CLASP1: variants seen among roughly 807,000 people sequenced by gnomAD.
CLASP1 encodes cytoplasmic linker associated protein 1.
A neutral mutation model predicts 192.3 loss-of-function variants in CLASP1; 38 were observed. That is an observed-to-expected ratio of 0.20 (90% CI 0.15 to 0.26). The LOEUF (loss-of-function observed/expected upper bound fraction) is 0.26. Ranked by LOEUF, CLASP1 falls within the 10% of genes least tolerant of loss-of-function variation. CLASP1 has a pLI of 1.00. For synonymous variants in CLASP1, 691 were observed against 712.8 expected, an observed-to-expected ratio of 0.97 and a Z score of 0.49; for missense variants, 1,433 against 1,932.5, an observed-to-expected ratio of 0.74 and a Z score of 4.85.
chr2:121,490,472 T>C, intron 8 of CLASP1: 1 of 230,782 alleles, frequency 4.3e-6, no homozygotes, highest in South Asian at 4.5e-5. Flanking sequence ...TAAAAAGGGT[T>C]GGGGGTTGGT....
intron 1 of CLASP1, among the ~76,000 whole-genome samples, chr2:121,613,276 A>G (rs951995516): frequency 2.6e-5 from 4 of 152,152 alleles, no homozygotes; most frequent in African/African-American, 9.7e-5. Flanking sequence ...AAGCATCTCA[A>G]CCTTTTCCTG....
intron 23 of CLASP1, among the ~76,000 whole-genome samples, chr2:121,412,482 T>C (rs578211254): frequency 2.0e-5 from 3 of 152,002 alleles, no homozygotes; most frequent in Admixed American, 6.5e-5. Flanking sequence ...GTTTTTTTTT[T>C]CATTAAAAAA....
intron 2 of CLASP1, among the ~76,000 whole-genome samples, chr2:121,565,530 C>T (rs750405315): frequency 6.6e-6 from 1 of 152,182 alleles, no homozygotes; most frequent in Non-Finnish European, 1.5e-5. Context: ...ACTTCCTCCA[C>T]ATCCACAGCC....
intron 9 of CLASP1, among the ~76,000 whole-genome samples, chr2:121,469,500 A>G (rs2090281372): frequency 6.6e-6 from 1 of 152,122 alleles, no homozygotes; most frequent in African/African-American, 2.4e-5. Context: ...AGATAACTAA[A>G]CAATGTGATG....
intron 19 of CLASP1, among the ~76,000 whole-genome samples, chr2:121,433,610 G>C (rs2081840277): frequency 6.6e-6 from 1 of 152,212 alleles, no homozygotes; most frequent in East Asian, 1.9e-4. Context: ...CAAAAAATTA[G>C]TTGGGCATGG....
chr2:121,366,123 C>T (rs2067363387), intron 35 of CLASP1, among the ~76,000 whole-genome samples: 1 of 152,194 alleles, frequency 6.6e-6, no homozygotes, highest in Non-Finnish European at 1.5e-5. Flanking sequence ...TCTGTCATTT[C>T]CTCCTGCCTT....
chr2:121,597,304 C>T (rs1419839523), intron 2 of CLASP1, among the ~76,000 whole-genome samples: 2 of 152,168 alleles, frequency 1.3e-5, no homozygotes. Flanking sequence ...CAATTTCTGG[C>T]TCACAGTAAA....
rs527708676 is a variant in CLASP1 at position 121,472,948 on chromosome 2, T to C, written c.713-2988A>G. Among the ~76,000 whole-genome samples the C allele has an allele frequency of 5.9e-5, 9 of 152,302 alleles. No individual in the cohort carries two copies. In the South Asian group the frequency reaches 1.7e-3, roughly 28 times the overall value. ...TACAGGGCATTAGGCAGACCGCAAGTAACTTATCTGATTTGCCAAAACAAA... is the reference window on the plus strand; with the variant it reads ...TACAGGGCATTAGGCAGACCGCAAGCAACTTATCTGATTTGCCAAAACAAA... On this transcript the variant is annotated intron_variant, in intron 8 of 39. Transcript: ENST00000263710.
At chr2:121,637,131 A>G (rs947446792) in intron 1 of CLASP1, among the ~76,000 whole-genome samples, 2 of 152,240 alleles carry the variant, frequency 1.3e-5, no homozygotes, top group Non-Finnish European at 2.9e-5. Context: ...AAACTATTTA[A>G]AAGTTAAATA....
At chr2:121,348,532 T>G in exon 38 of CLASP1, 1 of 1,611,266 alleles carries the variant, frequency 6.2e-7, no homozygotes, top group Non-Finnish European at 8.5e-7. Flanking sequence ...CCTGGGATGA[T>G]GTCGACAAGG....
At chr2:121,367,643 G>A in exon 35 of CLASP1, 4 of 1,614,056 alleles carry the variant, frequency 2.5e-6, no homozygotes, top group Non-Finnish European at 3.4e-6. Flanking sequence ...GGGCGGTCTT[G>A]TCGTAGGTGT....
intron 16 of CLASP1, 113 bp from the exon 17 acceptor site, chr2:121,449,233 G>T: frequency 1.2e-6 from 1 of 805,352 alleles, no homozygotes; most frequent in Non-Finnish European, 1.9e-6. Context: ...CAGTTTAGCC[G>T]CTAATAGTAG....
chr2:121,377,744 CATATTT>C, intron 33 of CLASP1, 95 bp from the exon 35 acceptor site: 2 of 880,440 alleles, frequency 2.3e-6, no homozygotes, highest in South Asian at 4.4e-5. Flanking sequence ...AAGAATAAGA[CATATTT>C]ATAGTTTTGT....
chr2:121,469,518 G>A (rs912164302), intron 9 of CLASP1, among the ~76,000 whole-genome samples: 5 of 152,144 alleles, frequency 3.3e-5, no homozygotes, highest in South Asian at 2.1e-4. Flanking sequence ...ATGAGGGTGC[G>A]CTCTTGCTCT....
intron 2 of CLASP1, among the ~76,000 whole-genome samples, chr2:121,577,899 C>T (rs2060686406): frequency 1.3e-5 from 2 of 151,996 alleles, no homozygotes; most frequent in South Asian, 2.1e-4. Flanking sequence ...ACACAGACGA[C>T]CCTATCTCTA....
intron 1 of CLASP1, among the ~76,000 whole-genome samples, chr2:121,643,522 CCATCT>C (rs1369929916): frequency 6.6e-6 from 1 of 152,194 alleles, no homozygotes; most frequent in Non-Finnish European, 1.5e-5. Flanking sequence ...TCTCCCCTAC[CCATCT>C]CATAAGACTT....
At chr2:121,497,553 G>A (rs777438561) in intron 8 of CLASP1, among the ~76,000 whole-genome samples, 6 of 152,224 alleles carry the variant, frequency 3.9e-5, no homozygotes, top group African/African-American at 7.2e-5. Flanking sequence ...TTATAGCCAC[G>A]GATATGTGTA....
At chr2:121,429,226 C>T (rs2080957303) in intron 20 of CLASP1, among the ~76,000 whole-genome samples, 2 of 152,040 alleles carry the variant, frequency 1.3e-5, no homozygotes, top group Admixed American at 1.3e-4. Flanking sequence ...ACTGATCACT[C>T]TCTACAACAG....
intron 19 of CLASP1, 92 bp downstream of exon 19, chr2:121,447,245 G>T: frequency 8.5e-7 from 1 of 1,172,700 alleles, no homozygotes; most frequent in Non-Finnish European, 1.2e-6. Context: ...AGTGAGACTT[G>T]CCTCAATCAT....
Sources: gnomAD v4.1 joint callset for allele counts (sites outside exome capture counted in the v4.1 genomes callset) on GRCh38, gnomAD v4.1.1 for gene constraint, MANE v1.5 for transcripts, NCBI Gene and HGNC (gene_info 2026-07-23, HGNC 2026-07-21) for gene names.